The following ATOH8 variants were observed in gnomAD, a reference collection of about 807,000 sequenced individuals.
ATOH8 encodes the protein atonal bHLH transcription factor 8.
In ATOH8, 9 loss-of-function variants were observed where a neutral mutation model predicts 21.2. That is an observed-to-expected ratio of 0.42 (90% CI 0.26 to 0.74). The LOEUF (loss-of-function observed/expected upper bound fraction) is 0.74. Among genes scored for constraint, ATOH8 ranks in the 30% least tolerant of loss-of-function variants. The probability of loss-of-function intolerance (pLI) is 0.24; values close to 1 mark genes in which losing one functional copy is unlikely to be tolerated. For synonymous variants in ATOH8, 253 were observed against 224.0 expected, an observed-to-expected ratio of 1.13 and a Z score of -1.16; for missense variants, 524 against 470.9, an observed-to-expected ratio of 1.11 and a Z score of -1.04.
At chr2:85,772,953 C>A in intron 2 of ATOH8, 1 of 395,498 alleles carries the variant, frequency 2.5e-6, no homozygotes, top group South Asian at 1.9e-5. Flanking sequence ...GCTGTTGTCA[C>A]TGGGGATGGT....
rs1680588541 is a variant in ATOH8, at chr2:85,785,011, CCT to C, written c.961-1873_961-1872del. ...AGGTCAGGCCTTGGTGAGAGAAACC[CCT>C]GTCTCCTTTAATCCTGGATGGTAGC... is the stretch of plus-strand genomic sequence containing the variant. On this transcript the variant is annotated intron_variant, in intron 2 of 2. Coordinates refer to ENST00000306279, the MANE Select transcript of ATOH8 (RefSeq NM_032827.7). The surrounding 1 kb of genome is among the most constrained non-coding windows in gnomAD (Gnocchi z 4.1). 6.6e-6 allele frequency among the ~76,000 whole-genome samples: 1 copy of C among 152,230 alleles called. No homozygotes were observed. Among genetic ancestry groups the C allele is most frequent in the African/African-American group, 2.4e-5 (1 of 41,456 alleles).
At chr2:85,768,807 C>T (rs919398610) in intron 2 of ATOH8, among the ~76,000 whole-genome samples, 1 of 152,184 alleles carries the variant, frequency 6.6e-6, no homozygotes. Context: ...AGTGAATCCT[C>T]CCCTTCTGGG....
chr2:85,779,341 A>G (rs1478683349), intron 2 of ATOH8, among the ~76,000 whole-genome samples: 1 of 152,248 alleles, frequency 6.6e-6, no homozygotes, highest in Non-Finnish European at 1.5e-5. Context: ...ATGGATATGG[A>G]GAGAAAAACA....
rs74875865 is a variant in ATOH8, at chr2:85,762,779, G to A, written c.769-1212G>A. Among the ~76,000 whole-genome samples, 1,447 of 152,226 alleles carry A rather than the reference G, an allele frequency of 9.5e-3. 159 individuals are homozygous for A. The East Asian group carries it at 0.24, about 25-fold the overall frequency. ...TGGCACTATCGACATTTGGGGGCAGGTAGTTCTCTGTTGTGGGGGCACTGT... is the reference window on the plus strand; with the variant it reads ...TGGCACTATCGACATTTGGGGGCAGATAGTTCTCTGTTGTGGGGGCACTGT... On this transcript the variant is annotated intron_variant, in intron 1 of 2. Transcript: ENST00000306279.
chr2:85,779,064 TCCTCCAGCCTGGGTGCCC>T (rs1558616910), intron 2 of ATOH8, among the ~76,000 whole-genome samples: 1 of 151,012 alleles, frequency 6.6e-6, no homozygotes. Context: ...CCTGGGTGCC[TCCTCCAGCCTGGGTGCCC>T]CCTCCAGCCT....
At chr2:85,783,144 T>C (rs576203878) in intron 2 of ATOH8, among the ~76,000 whole-genome samples, 55 of 152,344 alleles carry the variant, frequency 3.6e-4, no homozygotes, top group African/African-American at 1.3e-3. Context: ...TTGTGATAAA[T>C]GCTCCCACTT....
At chr2:85,782,374 T>A (rs1245063973) in intron 2 of ATOH8, among the ~76,000 whole-genome samples, 1 of 152,176 alleles carries the variant, frequency 6.6e-6, no homozygotes, top group Non-Finnish European at 1.5e-5. Context: ...TAAAGGCAGA[T>A]AAAATCATTT....
intron 1 of ATOH8, among the ~76,000 whole-genome samples, chr2:85,763,062 G>C (rs1015331451): frequency 6.6e-6 from 1 of 151,982 alleles, no homozygotes; most frequent in African/African-American, 2.4e-5. Flanking sequence ...AGTAAACCAG[G>C]AGCCATCGTT....
chr2:85,785,071 C>T lies in ATOH8; in HGVS notation c.961-1814C>T, dbSNP rs930274258. ...TCAGCGGGGACTAAGAGCCAACAGACGGCTTGGGGCTGGCCCCAGGCTGCC... is the reference window on the plus strand; with the variant it reads ...TCAGCGGGGACTAAGAGCCAACAGATGGCTTGGGGCTGGCCCCAGGCTGCC... On this transcript the variant is annotated intron_variant, in intron 2 of 2. Transcript: ENST00000306279. This position sits in a 1 kb window ranked among gnomAD's most constrained non-coding sequence, Gnocchi z 4.1. Among the ~76,000 whole-genome samples, 13 of 152,256 alleles carry T rather than the reference C, an allele frequency of 8.5e-5. No individual in the cohort carries two copies. The highest frequency in any genetic ancestry group is 6.2e-4 in the South Asian group (3 of 4,838).
chr2:85,756,954 T>C (rs1269138095), intron 1 of ATOH8, among the ~76,000 whole-genome samples: 1 of 152,150 alleles, frequency 6.6e-6, no homozygotes, highest in Non-Finnish European at 1.5e-5. Context: ...CGTGGGAAGT[T>C]CTCTATAAAA....
Position 85,754,480 on chromosome 2 carries a change from G to C in ATOH8, c.291G>C (p.Gly97=). 6.9e-7 allele frequency: 1 copy of C among 1,446,064 alleles called. No individual in the cohort carries two copies. Among genetic ancestry groups the C allele is most frequent in the South Asian group, 1.5e-5 (1 of 68,758 alleles). The allele number at this position is 1,446,064 out of a possible 1,614,324, so 89.6% of individuals were successfully genotyped here. ...GCACGGACACAGCCGGGGAGCGCGG[G>C]GGCTCTCGGGCGCCCGAGGTCTCCG... is the stretch of plus-strand genomic sequence containing the variant. ...RGGTDTAGER[G]GSRAPEVSDA... is the part of the protein sequence containing the mutation. Residue 97 remains glycine (G), a synonymous_variant, in exon 1 of 3, where the codon GGG becomes GGC. Coordinates refer to ENST00000306279, the MANE Select transcript of ATOH8 (RefSeq NM_032827.7).
chr2:85,757,563 T>A (rs76910047), intron 1 of ATOH8, among the ~76,000 whole-genome samples: 1 of 152,158 alleles, frequency 6.6e-6, no homozygotes, highest in Non-Finnish European at 1.5e-5. Context: ...AGCAGCTTCC[T>A]GGTACCATGA....
chr2:85,757,246 C>T (rs759521732), intron 1 of ATOH8, among the ~76,000 whole-genome samples: 7 of 152,262 alleles, frequency 4.6e-5, no homozygotes, highest in Non-Finnish European at 8.8e-5. Context: ...GGTCATAGAA[C>T]CAGGGGCCAA....
At position 85,789,830 on chromosome 2, in the gene ATOH8, G is replaced by A. The variant is rs528484306; in HGVS notation, c.*2940G>A. 9.9e-5 allele frequency among the ~76,000 whole-genome samples: 15 copies of A among 152,240 alleles called. No individual in the cohort carries two copies. Among genetic ancestry groups the A allele is most frequent in the African/African-American group, 3.4e-4 (14 of 41,540 alleles). On this transcript the variant is annotated 3_prime_UTR_variant, in exon 3 of 3. Coordinates refer to ENST00000306279, the MANE Select transcript of ATOH8 (RefSeq NM_032827.7). The stretch of plus-strand genomic sequence containing the variant: ...TGGGAGACAGGCTCTGGGTGGATGT[G>A]TGTGTGTGCACACATATGTATGTAT...
At chr2:85,780,283 C>G (rs765630914) in intron 2 of ATOH8, 11 of 152,278 alleles carry the variant, frequency 7.2e-5, no homozygotes, top group Admixed American at 3.9e-4. Context: ...CCAGCACCAC[C>G]TCTAGCATCT....
intron 2 of ATOH8, among the ~76,000 whole-genome samples, chr2:85,771,545 A>G (rs1680182099): frequency 6.6e-6 from 1 of 152,116 alleles, no homozygotes; most frequent in African/African-American, 2.4e-5. Context: ...GGAAGGACCA[A>G]CCTTTCTGAG....
intron 1 of ATOH8, among the ~76,000 whole-genome samples, chr2:85,759,822 G>A (rs1277163477): frequency 6.6e-6 from 1 of 152,126 alleles, no homozygotes; most frequent in African/African-American, 2.4e-5. Context: ...CTTGGGCTGG[G>A]TCTGCAGGGT....
At position 85,754,721 on chromosome 2, in the gene ATOH8, A is replaced by ATG; in HGVS notation, c.532_533insTG (p.Thr178MetfsTer22). 1.2e-6 allele frequency: 2 copies of ATG among 1,611,932 alleles called. No homozygotes were observed. The highest frequency in any genetic ancestry group is 1.7e-6 in the Non-Finnish European group (2 of 1,179,484). ...AGCACCGCCAGCGCCCCCGGAGTCC[A>ATG]CTGTGCGCCCTGCGCCCCCGACGCG... On this transcript the variant is annotated frameshift_variant, in exon 1 of 3. Coordinates refer to ENST00000306279, the MANE Select transcript of ATOH8 (RefSeq NM_032827.7). LOFTEE classifies it high-confidence loss of function.
intron 2 of ATOH8, among the ~76,000 whole-genome samples, chr2:85,777,698 C>T (rs1680363294): frequency 6.6e-6 from 1 of 152,198 alleles, no homozygotes; most frequent in Non-Finnish European, 1.5e-5. Context: ...GGGAAGTCTG[C>T]TTCTGTGCAG....
Sources: gnomAD v4.1 joint callset for allele counts (sites outside exome capture counted in the v4.1 genomes callset) on GRCh38, gnomAD v4.1.1 for gene constraint, Gnocchi (gnomAD v3.1) non-coding constraint, MANE v1.5 for transcripts, NCBI Gene and HGNC (gene_info 2026-07-23, HGNC 2026-07-21) for gene names.